Variants in AGMO observed in about 807,000 individuals in gnomAD.
The protein encoded by AGMO is glyceryl-ether monooxygenase.
In AGMO, 75 loss-of-function variants were observed where a neutral mutation model predicts 60.2. That is an observed-to-expected ratio of 1.25 (90% CI 1.03 to 1.51). The LOEUF (loss-of-function observed/expected upper bound fraction) is 1.51, where lower values mean the gene tolerates loss of function less well. AGMO is among the 40% of genes most tolerant of loss of function. AGMO has a pLI of 0.00. For synonymous variants in AGMO, 261 were observed against 177.1 expected, an observed-to-expected ratio of 1.47 and a Z score of -3.76; for missense variants, 763 against 525.5, an observed-to-expected ratio of 1.45 and a Z score of -4.42.
rs1418148877 is a variant in AGMO, at chr7:15,354,369, GACGTGTGTATAC to G, written c.1263+11133_1263+11144del. On this transcript the variant is annotated intron_variant, in intron 12 of 12. Transcript: ENST00000342526. Reference sequence around the variant, plus strand: ...GCGTGTATATAGACGTGTGTATATAGACGTGTGTATACACGTGTGTGTATACACGTGTGTGTA... The same window carrying G: ...GCGTGTATATAGACGTGTGTATATAGACGTGTGTGTATACACGTGTGTGTA... Among the ~76,000 whole-genome samples, 5 of 48,218 alleles carry G rather than the reference GACGTGTGTATAC, an allele frequency of 1.0e-4. 1 individual carries two copies. The highest frequency in any genetic ancestry group is 6.5e-4 in the African/African-American group (4 of 6,174). The allele number at this position is 48,218 out of a possible 152,430, so 31.6% of individuals were successfully genotyped here.
intron 3 of AGMO, among the ~76,000 whole-genome samples, chr7:15,442,525 G>C (rs1781585501): frequency 6.6e-6 from 1 of 152,070 alleles, no homozygotes; most frequent in Non-Finnish European, 1.5e-5. Context: ...CTTGACCCTT[G>C]AATGACATTA....
chr7:15,243,126 A>G (rs1016819420), intron 12 of AGMO, among the ~76,000 whole-genome samples: 4 of 152,018 alleles, frequency 2.6e-5, no homozygotes, highest in Non-Finnish European at 5.9e-5. Context: ...ATATTAATAT[A>G]TAAGACTTAT....
chr7:15,259,700 C>T lies in AGMO; in HGVS notation c.1264-58341G>A, dbSNP rs551575281. ...ATAAAGGAAAACCTATCAGATTAAC[C>T]GCAGGTTTCTCAGCAGAATCCCTAC... On this transcript the variant is annotated intron_variant, in intron 12 of 12. Coordinates refer to ENST00000342526, the MANE Select transcript of AGMO (RefSeq NM_001004320.2). Among the ~76,000 whole-genome samples the T allele has an allele frequency of 7.2e-5, 11 of 151,762 alleles. No homozygotes were observed. The East Asian group carries it at 7.8e-4, about 11-fold the overall frequency.
chr7:15,268,432 A>G (rs544905358), intron 12 of AGMO, among the ~76,000 whole-genome samples: 4 of 152,026 alleles, frequency 2.6e-5, no homozygotes, highest in Admixed American at 6.6e-5. Context: ...ATTGAAACAG[A>G]TATCTACTGG....
chr7:15,501,860 GA>G (rs1030373262), intron 3 of AGMO, among the ~76,000 whole-genome samples: 33 of 150,918 alleles, frequency 2.2e-4, no homozygotes, highest in African/African-American at 5.3e-4. Flanking sequence ...ATGAGCTGCA[GA>G]AAAAAAAATT....
chr7:15,319,297 CAG>C (rs912701642), intron 12 of AGMO, among the ~76,000 whole-genome samples: 1 of 152,012 alleles, frequency 6.6e-6, no homozygotes, highest in East Asian at 1.9e-4. Context: ...GGACAAAATC[CAG>C]AGAGGTGAGT....
chr7:15,359,310 A>G (rs994022073), intron 12 of AGMO, among the ~76,000 whole-genome samples: 4 of 150,566 alleles, frequency 2.7e-5, no homozygotes, highest in African/African-American at 4.9e-5. Flanking sequence ...AAAAAAAAGA[A>G]ATTAGATTTA....
At chr7:15,480,480 T>C (rs1444533878) in intron 3 of AGMO, among the ~76,000 whole-genome samples, 2 of 152,156 alleles carry the variant, frequency 1.3e-5, no homozygotes, top group African/African-American at 4.8e-5. Context: ...ACAACATAGA[T>C]GAAAGATTCT....
intron 4 of AGMO, among the ~76,000 whole-genome samples, chr7:15,419,814 G>A (rs150366945): frequency 0.01 from 1,574 of 152,060 alleles, 15 homozygotes; most frequent in Middle Eastern, 0.065. Flanking sequence ...AAGTTCTTAA[G>A]CTTCTCTAGG....
At position 15,376,286 on chromosome 7, in the gene AGMO, A is replaced by G. The variant is rs149284837; in HGVS notation, c.1074+9160T>C. On this transcript the variant is annotated intron_variant, in intron 10 of 12. Transcript: ENST00000342526. ...TAGAGAAAAACAGTATACCCTGGAC[A>G]TTGACTTGAAAACTTTCATGAAGAA... 2.3e-3 allele frequency among the ~76,000 whole-genome samples: 357 copies of G among 152,204 alleles called. 4 individuals are homozygous for G. The highest frequency in any genetic ancestry group is 8.3e-3 in the African/African-American group (344 of 41,508).
At chr7:15,141,974 G>C in the AGMO span, among the ~76,000 whole-genome samples, 3 of 152,242 alleles carry the variant, frequency 2.0e-5, no homozygotes, top group South Asian at 6.2e-4. Flanking sequence ...CAAAAGATGG[G>C]ACACTGTGTC....
intron 3 of AGMO, among the ~76,000 whole-genome samples, chr7:15,475,768 T>C (rs915236994): frequency 6.6e-6 from 1 of 152,070 alleles, no homozygotes; most frequent in Non-Finnish European, 1.5e-5. Flanking sequence ...TAGATTTTTT[T>C]AAAATGCAAC....
downstream of AGMO, among the ~76,000 whole-genome samples, chr7:15,196,859 TA>T (rs1781129485): frequency 6.6e-6 from 1 of 152,162 alleles, no homozygotes; most frequent in Non-Finnish European, 1.5e-5. Flanking sequence ...AATGTTTACA[TA>T]AATAGTGCTA....
At chr7:15,269,201 G>T (rs895878154) in intron 12 of AGMO, among the ~76,000 whole-genome samples, 1 of 152,118 alleles carries the variant, frequency 6.6e-6, no homozygotes, top group Non-Finnish European at 1.5e-5. Context: ...AGTCCACTTA[G>T]TGTGCTGACT....
At chr7:15,413,780 T>C (rs546819816) in intron 5 of AGMO, among the ~76,000 whole-genome samples, 1 of 152,166 alleles carries the variant, frequency 6.6e-6, no homozygotes, top group African/African-American at 2.4e-5. Flanking sequence ...AAAAACTGAA[T>C]AGATTTGTTG....
chr7:15,380,339 A>T (rs1345771863), intron 10 of AGMO, among the ~76,000 whole-genome samples: 3 of 152,162 alleles, frequency 2.0e-5, no homozygotes, highest in Non-Finnish European at 4.4e-5. Context: ...CATATGCAAA[A>T]ATCACTGGCA....
At chr7:15,391,227 G>A (rs1313284490) in intron 6 of AGMO, among the ~76,000 whole-genome samples, 3 of 151,920 alleles carry the variant, frequency 2.0e-5, no homozygotes, top group Non-Finnish European at 4.4e-5. Flanking sequence ...AGAATTAAAT[G>A]ATACCAAAAA....
Position 15,201,242 on chromosome 7 carries a change from G to T in AGMO, c.*43C>A. The T allele has an allele frequency of 7.4e-7, 1 of 1,360,362 alleles. No homozygotes were observed. The highest frequency in any genetic ancestry group is 1.3e-5 in the South Asian group (1 of 78,456). 84.3% of individuals were successfully genotyped at this position (1,360,362 alleles called of 1,614,324 possible). A position where few individuals can be genotyped will look rare whatever the true frequency, so the allele number is the denominator to read the frequency against. ...TTTAATATGCAGTCATAATATGCGT[G>T]TGGACAACTCATTAAAAGAAGAGAA... On this transcript the variant is annotated 3_prime_UTR_variant, in exon 13 of 13. Transcript: ENST00000342526.
the AGMO span, among the ~76,000 whole-genome samples, chr7:15,185,713 G>A: frequency 6.6e-6 from 1 of 152,126 alleles, no homozygotes; most frequent in African/African-American, 2.4e-5. Context: ...CCAAAACCCT[G>A]GCTGAGGCAC....
Sources: gnomAD v4.1 joint callset for allele counts (sites outside exome capture counted in the v4.1 genomes callset) on GRCh38, gnomAD v4.1.1 for gene constraint, MANE v1.5 for transcripts, NCBI Gene and HGNC (gene_info 2026-07-23, HGNC 2026-07-21) for gene names.